Variants in MEOX2 observed in about 807,000 individuals in gnomAD.
MEOX2 encodes the protein homeobox protein MOX-2.
MEOX2 carries 11 observed loss-of-function variants against 27.0 expected under a neutral mutation model. That is an observed-to-expected ratio of 0.41 (90% CI 0.26 to 0.68). MEOX2 has a LOEUF of 0.68. Ranked by LOEUF, MEOX2 falls within the 30% of genes least tolerant of loss-of-function variation. MEOX2 has a pLI of 0.33. For synonymous variants in MEOX2, 189 were observed against 155.4 expected (o/e 1.22, Z -1.61); for missense variants, 436 against 385.4 (o/e 1.13, Z -1.10).
At chr7:15,613,384 T>A (rs1461471714) in intron 2 of MEOX2, among the ~76,000 whole-genome samples, 1 of 74,452 alleles carries the variant, frequency 1.3e-5, no homozygotes, top group African/African-American at 5.4e-5. Context: ...ATAACATATA[T>A]GTATTAAAAA....
chr7:15,655,888 G>T (rs1290585765), intron 1 of MEOX2, among the ~76,000 whole-genome samples: 6 of 151,618 alleles, frequency 4.0e-5, no homozygotes, highest in African/African-American at 1.4e-4. Flanking sequence ...GTGTTGTTAA[G>T]TTTTTTTATA....
rs183043150 is a variant in MEOX2, at chr7:15,631,733, C to G, written c.518-4815G>C. Among the ~76,000 whole-genome samples, 29 of 151,544 alleles carry G rather than the reference C, an allele frequency of 1.9e-4. No homozygotes were observed. The East Asian group carries it at 5.2e-3, about 27-fold the overall frequency. On this transcript the variant is annotated intron_variant, in intron 1 of 2. Coordinates refer to ENST00000262041, the MANE Select transcript of MEOX2 (RefSeq NM_005924.5). ...TTGCTAACTTATAATTTATGCTGTA[C>G]AAAGCAATGATATAAATGGGAAAGT...
intron 1 of MEOX2, among the ~76,000 whole-genome samples, chr7:15,652,504 G>T (rs1402911519): frequency 1.3e-5 from 2 of 151,908 alleles, no homozygotes; most frequent in Non-Finnish European, 2.9e-5. Flanking sequence ...TCTAAGAAGA[G>T]TATAAAGCAT....
chr7:15,660,749 T>G (rs1781899519), intron 1 of MEOX2, among the ~76,000 whole-genome samples: 1 of 151,920 alleles, frequency 6.6e-6, no homozygotes, highest in African/African-American at 2.4e-5. Flanking sequence ...GAGCCAGGCG[T>G]GGTGGCTCAT....
rs1249555874 is a variant in MEOX2, at chr7:15,650,528, A to G, written c.518-23610T>C. Reference sequence around the variant, plus strand: ...GCAAATAATGCTGATCTCATTACATATTTCAGACTAATGCCATATCTTGTG... The same window carrying G: ...GCAAATAATGCTGATCTCATTACATGTTTCAGACTAATGCCATATCTTGTG... On this transcript the variant is annotated intron_variant, in intron 1 of 2. Transcript: ENST00000262041. Among the ~76,000 whole-genome samples, 9 of 152,044 alleles carry G rather than the reference A, an allele frequency of 5.9e-5. No homozygotes were observed. The South Asian group carries it at 8.3e-4, about 14-fold the overall frequency.
At chr7:15,613,941 G>A (rs1562592928) in intron 2 of MEOX2, among the ~76,000 whole-genome samples, 2 of 151,694 alleles carry the variant, frequency 1.3e-5, no homozygotes, top group Non-Finnish European at 2.9e-5. Context: ...GCAGTTATAT[G>A]GCTGCTGCTA....
rs546994620 is a variant in MEOX2, at chr7:15,668,842, C to T, written c.517+17044G>A. Among the ~76,000 whole-genome samples the T allele has an allele frequency of 2.0e-3, 300 of 152,120 alleles. 1 individual carries two copies. The highest frequency in any genetic ancestry group is 3.2e-3 in the Non-Finnish European group (218 of 67,986). On this transcript the variant is annotated intron_variant, in intron 1 of 2. Transcript: ENST00000262041. ...TTCAACTGCACATGGGGATCTGCAC[C>T]CCTAACTTCCACATTATTCAAGGGT... is the stretch of plus-strand genomic sequence containing the variant.
At chr7:15,643,752 C>T (rs1177111236) in intron 1 of MEOX2, among the ~76,000 whole-genome samples, 2 of 152,194 alleles carry the variant, frequency 1.3e-5, no homozygotes, top group African/African-American at 4.8e-5. Context: ...ACCTGTGCCA[C>T]ACTCTTCTCT....
chr7:15,611,811 G>C lies in MEOX2; in HGVS notation c.*576C>G, dbSNP rs1562592022. On this transcript the variant is annotated 3_prime_UTR_variant, in exon 3 of 3. Coordinates refer to ENST00000262041, the MANE Select transcript of MEOX2 (RefSeq NM_005924.5). ...CTAATATGAATGCATTGCTAAATTA[G>C]TGAAGACAGGAAAATGACTTAAGGG... 1 of 153,278 alleles carries C rather than the reference G, an allele frequency of 6.5e-6. No homozygotes were observed. Among genetic ancestry groups the C allele is most frequent in the South Asian group, 2.1e-4 (1 of 4,878 alleles). 9.5% of individuals were successfully genotyped at this position (153,278 alleles called of 1,614,324 possible).
At chr7:15,630,232 G>A (rs762956056) in intron 1 of MEOX2, among the ~76,000 whole-genome samples, 6 of 152,074 alleles carry the variant, frequency 3.9e-5, no homozygotes, top group Admixed American at 2.0e-4. Flanking sequence ...CTGGGACTAC[G>A]CTAATGGAAG....
chr7:15,656,895 C>G (rs901929006), intron 1 of MEOX2, among the ~76,000 whole-genome samples: 4 of 151,826 alleles, frequency 2.6e-5, no homozygotes, highest in African/African-American at 9.7e-5. Flanking sequence ...GGAAAATTCT[C>G]TTAGTCTTCC....
At chr7:15,674,091 C>T (rs934095719) in intron 1 of MEOX2, among the ~76,000 whole-genome samples, 3 of 151,970 alleles carry the variant, frequency 2.0e-5, no homozygotes, top group African/African-American at 7.2e-5. Context: ...ACACAAAAGC[C>T]AGTACAAGTA....
At chr7:15,657,451 T>A (rs117657027) in intron 1 of MEOX2, among the ~76,000 whole-genome samples, 2 of 152,134 alleles carry the variant, frequency 1.3e-5, no homozygotes, top group Non-Finnish European at 2.9e-5. Flanking sequence ...AGTTTTTCCC[T>A]TTGTACTGTC....
At chr7:15,621,821 A>G (rs1380093563) in intron 2 of MEOX2, among the ~76,000 whole-genome samples, 2 of 152,172 alleles carry the variant, frequency 1.3e-5, no homozygotes, top group African/African-American at 4.8e-5. Context: ...TATTTCTCAA[A>G]AACAATTCTG....
At chr7:15,663,163 G>A (rs1781943677) in intron 1 of MEOX2, among the ~76,000 whole-genome samples, 1 of 152,024 alleles carries the variant, frequency 6.6e-6, no homozygotes, top group South Asian at 2.1e-4. Context: ...CTCTTTCACA[G>A]CCACAAATAA....
At position 15,612,267 on chromosome 7, in the gene MEOX2, C is replaced by G. The variant is rs540090249; in HGVS notation, c.*120G>C. 4.9e-6 allele frequency: 4 copies of G among 812,692 alleles called. No individual in the cohort carries two copies. The East Asian group carries it at 7.7e-5, about 16-fold the overall frequency. The allele number at this position is 812,692 out of a possible 1,614,324, so 50.3% of individuals were successfully genotyped here. A position where few individuals can be genotyped will look rare whatever the true frequency, so the allele number is the denominator to read the frequency against. On this transcript the variant is annotated 3_prime_UTR_variant, in exon 3 of 3. Coordinates refer to ENST00000262041, the MANE Select transcript of MEOX2 (RefSeq NM_005924.5). ...AATCATGAAAAACAGATTCGAAATG[C>G]CTGGATTTAATAATATTAAACATCA...
intron 1 of MEOX2, among the ~76,000 whole-genome samples, chr7:15,629,212 C>G (rs1310819806): frequency 6.6e-6 from 1 of 151,940 alleles, no homozygotes; most frequent in Non-Finnish European, 1.5e-5. Context: ...TTAACTTTTG[C>G]AATATTCAAA....
chr7:15,624,975 C>T (rs527460549), intron 2 of MEOX2, among the ~76,000 whole-genome samples: 19 of 152,296 alleles, frequency 1.2e-4, no homozygotes, highest in African/African-American at 4.6e-4. Flanking sequence ...AAAACTGCTT[C>T]TAAAGATAAA....
intron 1 of MEOX2, among the ~76,000 whole-genome samples, chr7:15,647,936 C>G (rs1781676543): frequency 6.6e-6 from 1 of 151,888 alleles, no homozygotes; most frequent in African/African-American, 2.4e-5. Flanking sequence ...TGTTTTGGAT[C>G]ACTTGTAAGA....
Sources: allele counts gnomAD v4.1 joint callset (sites outside exome capture counted in the v4.1 genomes callset), GRCh38; gene constraint gnomAD v4.1.1; transcripts MANE v1.5; gene names NCBI Gene and HGNC (gene_info 2026-07-23, HGNC 2026-07-21).